Variants in UBR3 observed in about 807,000 individuals in gnomAD.
The protein encoded by UBR3 is E3 ubiquitin-protein ligase UBR3.
Under a neutral mutation model 243.2 loss-of-function variants are expected in UBR3, and 85 were observed. The ratio of observed to expected loss-of-function variants is 0.35; its 90% CI spans 0.29 to 0.42. The LOEUF is 0.42. Ranked by LOEUF, UBR3 falls within the 10% of genes least tolerant of loss-of-function variation. The pLI is 1.00. For synonymous variants in UBR3, 748 were observed against 799.8 expected (o/e 0.94, Z 1.09); for missense variants, 1,686 against 2,300.8 (o/e 0.73, Z 5.47).
chr2:169,888,929 C>A (rs1188752940), intron 5 of UBR3, among the ~76,000 whole-genome samples: 3 of 150,756 alleles, frequency 2.0e-5, no homozygotes, highest in African/African-American at 7.3e-5. Context: ...TTTTTTTTTG[C>A]CATTATAAAT....
intron 10 of UBR3, among the ~76,000 whole-genome samples, chr2:169,911,549 G>A (rs1247193130): frequency 1.3e-5 from 2 of 152,080 alleles, no homozygotes; most frequent in African/African-American, 2.4e-5. Flanking sequence ...TGGGGGTTGA[G>A]GGGTGGTAGT....
At chr2:169,937,043 A>G (rs1428352005) in intron 19 of UBR3, among the ~76,000 whole-genome samples, 2 of 152,208 alleles carry the variant, frequency 1.3e-5, no homozygotes, top group East Asian at 3.8e-4. Flanking sequence ...ACCCAGTAAT[A>G]GGATGGCTGG....
rs187677874 is a variant in UBR3 at position 170,059,857 on chromosome 2, T to G, written c.4786-1222T>G. Among the ~76,000 whole-genome samples the G allele has an allele frequency of 1.8e-3, 275 of 152,306 alleles. 2 individuals carry two copies. Among genetic ancestry groups the G allele is most frequent in the Non-Finnish European group, 1.0e-3 (71 of 68,014 alleles). ...GTTCCAAGGTCCAATACTCCAAAAC[T>G]TCAGTATTACCAAAATAAATTTCAT... On this transcript the variant is annotated intron_variant, in intron 33 of 38. Coordinates refer to ENST00000272793, the MANE Select transcript of UBR3 (RefSeq NM_172070.4).
At chr2:170,051,882 C>G (rs1366702853) in intron 32 of UBR3, among the ~76,000 whole-genome samples, 1 of 151,964 alleles carries the variant, frequency 6.6e-6, no homozygotes, top group African/African-American at 2.4e-5. Flanking sequence ...GTCTCATTTC[C>G]TACTCATTTT....
At chr2:169,838,387 TTGTGTGTGTGTGTGTGTG>T (rs544974959) in intron 1 of UBR3, among the ~76,000 whole-genome samples, 2,645 of 114,456 alleles carry the variant, frequency 0.023, 40 homozygotes, top group Middle Eastern at 0.03. Flanking sequence ...ATTAAGGCAT[TTGTGTGTGTGTGTGTGTG>T]TGTGTGTGTG....
At chr2:169,972,256 A>G (rs1298710139) in intron 24 of UBR3, among the ~76,000 whole-genome samples, 3 of 152,236 alleles carry the variant, frequency 2.0e-5, no homozygotes, top group East Asian at 3.8e-4. Flanking sequence ...AGGAGCTGCA[A>G]TTGTGGCAAT....
chr2:169,928,013 A>G (rs980806482), intron 17 of UBR3, among the ~76,000 whole-genome samples: 4 of 152,196 alleles, frequency 2.6e-5, no homozygotes, highest in Non-Finnish European at 4.4e-5. Context: ...GGCCGAATTT[A>G]GTATTTGTAT....
At chr2:169,931,919 T>TGAAC (rs1437659016) in intron 18 of UBR3, among the ~76,000 whole-genome samples, 1 of 152,170 alleles carries the variant, frequency 6.6e-6, no homozygotes, top group African/African-American at 2.4e-5. Context: ...AATCATCTTG[T>TGAAC]GAACCATCAG....
intron 24 of UBR3, among the ~76,000 whole-genome samples, chr2:169,966,663 C>T (rs946653696): frequency 2.0e-5 from 3 of 152,090 alleles, no homozygotes; most frequent in Non-Finnish European, 4.4e-5. Flanking sequence ...TCCATTGCCT[C>T]GAGTAATTTA....
Position 170,071,352 on chromosome 2 carries a change from C to CATGA in UBR3, c.5020-2071_5020-2068dup, listed in dbSNP as rs538540601. Among the ~76,000 whole-genome samples, 197 of 152,248 alleles carry CATGA rather than the reference C, an allele frequency of 1.3e-3. 4 individuals are homozygous for CATGA. Among genetic ancestry groups the CATGA allele is most frequent in the Admixed American group, 0.012 (187 of 15,284 alleles). On this transcript the variant is annotated intron_variant, in intron 35 of 38. Transcript: ENST00000272793. ...AATGCATGAACAAAATGTGGTATAA[C>CATGA]ATGAATGAGTCTCAAAATAAGTGAA...
chr2:169,917,093 A>G (rs555647153), intron 11 of UBR3, among the ~76,000 whole-genome samples: 20 of 151,908 alleles, frequency 1.3e-4, no homozygotes, highest in African/African-American at 3.9e-4. Context: ...TTTACCCCTC[A>G]TTACCCCTCC....
At chr2:169,931,090 G>C (rs1330742305) in intron 18 of UBR3, among the ~76,000 whole-genome samples, 1 of 152,132 alleles carries the variant, frequency 6.6e-6, no homozygotes, top group African/African-American at 2.4e-5. Context: ...AGTGGCTCAC[G>C]CCTGTAATCC....
intron 31 of UBR3, 87 bp downstream of exon 31, chr2:170,029,535 T>A (rs2105422464): frequency 3.0e-6 from 3 of 1,008,608 alleles, no homozygotes; most frequent in Middle Eastern, 2.9e-4. Flanking sequence ...AATTTCAATA[T>A]ATGTGATTTT....
chr2:170,060,766 T>C (rs1173364710), intron 33 of UBR3, among the ~76,000 whole-genome samples: 1 of 152,112 alleles, frequency 6.6e-6, no homozygotes, highest in Non-Finnish European at 1.5e-5. Context: ...TTCTTTTGGA[T>C]TATATCCCTG....
chr2:170,064,621 GT>G (rs1191948482), intron 35 of UBR3, among the ~76,000 whole-genome samples: 1 of 151,798 alleles, frequency 6.6e-6, no homozygotes, highest in Non-Finnish European at 1.5e-5. Context: ...ATGAAATAAT[GT>G]AACTTTTTTG....
At chr2:169,909,670 T>A (rs1366061196) in intron 10 of UBR3, among the ~76,000 whole-genome samples, 2 of 152,016 alleles carry the variant, frequency 1.3e-5, no homozygotes, top group Non-Finnish European at 2.9e-5. Flanking sequence ...CTACAAAAAA[T>A]GATAAATGTC....
Position 169,976,459 on chromosome 2 carries a change from C to G in UBR3, c.3635-10186C>G, listed in dbSNP as rs79943163. 9.7e-3 allele frequency among the ~76,000 whole-genome samples: 1,482 copies of G among 152,136 alleles called. 20 individuals carry two copies. Among genetic ancestry groups the G allele is most frequent in the African/African-American group, 0.034 (1,403 of 41,484 alleles). On this transcript the variant is annotated intron_variant, in intron 24 of 38. Coordinates refer to ENST00000272793, the MANE Select transcript of UBR3 (RefSeq NM_172070.4). The stretch of plus-strand genomic sequence containing the variant: ...AGTTTGGTCTAGTGGTGATGAATTC[C>G]CTCAGTTTCTCCTTGTCTAGGAGAG...
chr2:170,040,514 A>G (rs979125149), intron 31 of UBR3, among the ~76,000 whole-genome samples: 1 of 152,190 alleles, frequency 6.6e-6, no homozygotes, highest in African/African-American at 2.4e-5. Context: ...CGTTATTGCT[A>G]AGTTTGTGAT....
intron 24 of UBR3, among the ~76,000 whole-genome samples, chr2:169,979,728 G>T (rs766916161): frequency 6.6e-6 from 1 of 152,174 alleles, no homozygotes; most frequent in Non-Finnish European, 1.5e-5. Context: ...TAGATCACTG[G>T]TTGTCAGGGT....
Sources: gnomAD v4.1 joint callset for allele counts (sites outside exome capture counted in the v4.1 genomes callset) on GRCh38, gnomAD v4.1.1 for gene constraint, MANE v1.5 for transcripts, NCBI Gene and HGNC (gene_info 2026-07-23, HGNC 2026-07-21) for gene names.